Variants in ROBO1 observed in about 807,000 individuals in gnomAD.
ROBO1 encodes roundabout guidance receptor 1.
In ROBO1, 149 loss-of-function variants were observed where a neutral mutation model predicts 195.9. That is an observed-to-expected ratio of 0.76 (90% CI 0.67 to 0.87). The LOEUF (loss-of-function observed/expected upper bound fraction) is 0.87. ROBO1 is among the 40% of genes least tolerant of loss of function. The pLI, the probability that ROBO1 is intolerant of heterozygous loss-of-function variation, is 0.00. For synonymous variants in ROBO1, 816 were observed against 733.2 expected, an observed-to-expected ratio of 1.11 and a Z score of -1.82; for missense variants, 1,933 against 2,068.3, an observed-to-expected ratio of 0.93 and a Z score of 1.27.
In ROBO1 at chr3:79,435,629, A is replaced by T. The variant is rs556769007; in HGVS notation, c.88+154195T>A. 1.4e-4 allele frequency among the ~76,000 whole-genome samples: 21 copies of T among 152,304 alleles called. No homozygotes were observed. The South Asian group carries it at 3.1e-3, about 23-fold the overall frequency. On this transcript the variant is annotated intron_variant, in intron 2 of 30. Transcript: ENST00000464233. ...CAAACAACATTACTGAGATTCCTGT[A>T]GGAACCACCAGAACTCAGGATTTGT... is the stretch of plus-strand genomic sequence containing the variant.
At chr3:78,796,791 AT>A (rs1483475143) in intron 4 of ROBO1, among the ~76,000 whole-genome samples, 2 of 151,858 alleles carry the variant, frequency 1.3e-5, no homozygotes, top group Non-Finnish European at 2.9e-5. Flanking sequence ...CACCTCTTTA[AT>A]TTCTCCTTCT....
chr3:79,521,722 A>G (rs1016462885), intron 2 of ROBO1, among the ~76,000 whole-genome samples: 6 of 152,046 alleles, frequency 3.9e-5, no homozygotes. Context: ...AAGTGGCCAT[A>G]TTTGTCACCA....
intron 29 of ROBO1, among the ~76,000 whole-genome samples, chr3:78,604,689 A>T (rs1703367437): frequency 6.6e-6 from 1 of 152,212 alleles, no homozygotes. Flanking sequence ...GTCACAGAAC[A>T]AAGAGAAACT....
chr3:78,840,052 T>C (rs1034534650), intron 4 of ROBO1, among the ~76,000 whole-genome samples: 1 of 152,236 alleles, frequency 6.6e-6, no homozygotes, highest in Non-Finnish European at 1.5e-5. Flanking sequence ...TGTCAAAAGT[T>C]ATTTCCAAAA....
At chr3:78,680,043 C>G (rs1559737769) in intron 10 of ROBO1, among the ~76,000 whole-genome samples, 1 of 152,156 alleles carries the variant, frequency 6.6e-6, no homozygotes, top group African/African-American at 2.4e-5. Flanking sequence ...CTACAACTAT[C>G]TGATCTTTGA....
intron 2 of ROBO1, among the ~76,000 whole-genome samples, chr3:79,435,473 C>T (rs2038850819): frequency 6.6e-6 from 1 of 152,264 alleles, no homozygotes; most frequent in Admixed American, 6.5e-5. Flanking sequence ...CATTTTGAGC[C>T]TACCAGAGCG....
At chr3:79,471,461 AT>A (rs2107320795) in intron 2 of ROBO1, among the ~76,000 whole-genome samples, 1 of 152,272 alleles carries the variant, frequency 6.6e-6, no homozygotes, top group Non-Finnish European at 1.5e-5. Context: ...GAATTCATTG[AT>A]TTAATAAACT....
rs78257978 is a variant in ROBO1, at chr3:79,614,389, A to G, written c.-50-24428T>C. ...ACCCACATGTATCCAAGGGAAAGTC[A>G]AAAGAAAAATAAAATATGTTGAACT... On this transcript the variant is annotated intron_variant, in intron 1 of 30. Coordinates refer to ENST00000464233, the MANE Select transcript of ROBO1 (RefSeq NM_002941.4). Among the ~76,000 whole-genome samples, 318 of 152,264 alleles carry G rather than the reference A, an allele frequency of 2.1e-3. 2 individuals are homozygous for G. The highest frequency in any genetic ancestry group is 6.5e-3 in the African/African-American group (269 of 41,578).
intron 2 of ROBO1, among the ~76,000 whole-genome samples, chr3:79,314,069 T>C (rs1284447919): frequency 6.6e-6 from 1 of 152,210 alleles, no homozygotes; most frequent in African/African-American, 2.4e-5. Context: ...ACTGACACTA[T>C]AGAGATTGTC....
intron 2 of ROBO1, among the ~76,000 whole-genome samples, chr3:79,169,810 T>A (rs1033485920): frequency 6.6e-5 from 10 of 152,100 alleles, no homozygotes; most frequent in African/African-American, 2.4e-4. Flanking sequence ...CAAGTTTAGG[T>A]CTTAATACCA....
chr3:79,171,578 A>G (rs1039630783), intron 2 of ROBO1, among the ~76,000 whole-genome samples: 24 of 152,126 alleles, frequency 1.6e-4, no homozygotes, highest in Admixed American at 1.6e-3. Flanking sequence ...CACATACATA[A>G]AGGGATAAAA....
At chr3:79,161,548 C>G (rs917422577) in intron 2 of ROBO1, among the ~76,000 whole-genome samples, 6 of 151,892 alleles carry the variant, frequency 4.0e-5, no homozygotes, top group African/African-American at 1.5e-4. Context: ...AAAGAAATGT[C>G]ATTGAAAAAG....
chr3:78,684,912 GTTTC>G (rs1205325198), intron 10 of ROBO1, among the ~76,000 whole-genome samples: 2 of 151,984 alleles, frequency 1.3e-5, no homozygotes, highest in Non-Finnish European at 2.9e-5. Flanking sequence ...GAGACAGGTT[GTTTC>G]TTTCTTTAAG....
intron 1 of ROBO1, among the ~76,000 whole-genome samples, chr3:79,598,303 C>T (rs532821567): frequency 6.6e-6 from 1 of 152,028 alleles, no homozygotes; most frequent in Admixed American, 6.6e-5. Flanking sequence ...ACTAAGTTAC[C>T]TGAAGCACAC....
intron 2 of ROBO1, among the ~76,000 whole-genome samples, chr3:79,155,900 C>T (rs1000603110): frequency 6.6e-6 from 1 of 151,822 alleles, no homozygotes; most frequent in Non-Finnish European, 1.5e-5. Flanking sequence ...ATTCTTACTA[C>T]AATTCATCAT....
At chr3:78,745,747 T>C (rs998440668) in intron 5 of ROBO1, among the ~76,000 whole-genome samples, 3 of 152,158 alleles carry the variant, frequency 2.0e-5, no homozygotes, top group Non-Finnish European at 4.4e-5. Context: ...TACATGAAAA[T>C]AAAATGCTTA....
rs1186650936 is a variant in ROBO1, at chr3:79,162,728, G to A, written c.89-37189C>T. 2.6e-5 allele frequency among the ~76,000 whole-genome samples: 4 copies of A among 152,128 alleles called. No homozygotes were observed. The South Asian group carries it at 6.2e-4, about 24-fold the overall frequency. ...TTAGCCCAGAATAGTTTTAGTATCT[G>A]TGAAACATTGTCTTACTGTAAAGCC... On this transcript the variant is annotated intron_variant, in intron 2 of 30. Transcript: ENST00000464233.
At chr3:79,198,066 C>T (rs1014295499) in intron 2 of ROBO1, among the ~76,000 whole-genome samples, 1 of 151,944 alleles carries the variant, frequency 6.6e-6, no homozygotes, top group Middle Eastern at 3.2e-3. Context: ...TCAATTTTGG[C>T]TTTTGTTGCC....
chr3:78,748,774 T>C (rs2082720342), intron 4 of ROBO1, among the ~76,000 whole-genome samples: 1 of 151,458 alleles, frequency 6.6e-6, no homozygotes, highest in African/African-American at 2.4e-5. Flanking sequence ...TTAAGACAAC[T>C]TGGGCACGGC....
Sources: gnomAD v4.1 joint callset for allele counts (sites outside exome capture counted in the v4.1 genomes callset) on GRCh38, gnomAD v4.1.1 for gene constraint, MANE v1.5 for transcripts, NCBI Gene and HGNC (gene_info 2026-07-23, HGNC 2026-07-21) for gene names.